The following SLC44A5 variants were observed in gnomAD, a reference collection of about 807,000 sequenced individuals.
SLC44A5 encodes solute carrier family 44 member 5.
Under a neutral mutation model 101.8 loss-of-function variants are expected in SLC44A5, and 57 were observed. The ratio of observed to expected loss-of-function variants is 0.56; its 90% confidence interval spans 0.45 to 0.70. SLC44A5 has a LOEUF of 0.70. Ranked by LOEUF, SLC44A5 falls within the 30% of genes least tolerant of loss-of-function variation. The probability of loss-of-function intolerance (pLI) is 0.00; values close to 1 mark genes in which losing one functional copy is unlikely to be tolerated. For synonymous variants in SLC44A5, 281 were observed against 290.9 expected, an observed-to-expected ratio of 0.97 and a Z score of 0.35; for missense variants, 737 against 853.1, an observed-to-expected ratio of 0.86 and a Z score of 1.70.
intron 2 of SLC44A5, among the ~76,000 whole-genome samples, chr1:75,411,516 G>C (rs1383818700): frequency 6.6e-6 from 1 of 152,054 alleles, no homozygotes; most frequent in African/African-American, 2.4e-5. Context: ...AGAGCATGAA[G>C]TACCAACTAT....
At chr1:75,711,892 A>C in the SLC44A5 span, among the ~76,000 whole-genome samples, 1 of 152,196 alleles carries the variant, frequency 6.6e-6, no homozygotes, top group African/African-American at 2.4e-5. Flanking sequence ...TGGCCAACAC[A>C]AGAGTTCCAT....
At chr1:75,599,676 A>G (rs1436142469) in intron 1 of SLC44A5, among the ~76,000 whole-genome samples, 1 of 152,200 alleles carries the variant, frequency 6.6e-6, no homozygotes, top group Non-Finnish European at 1.5e-5. Flanking sequence ...TCTTGGAAAA[A>G]AATAGAAATT....
chr1:75,714,948 A>G, the SLC44A5 span, among the ~76,000 whole-genome samples: 2 of 152,222 alleles, frequency 1.3e-5, no homozygotes, highest in Non-Finnish European at 2.9e-5. Flanking sequence ...TGCTGGGATT[A>G]CAGGTGTGAG....
chr1:75,505,571 T>C (rs1160524417), intron 2 of SLC44A5, among the ~76,000 whole-genome samples: 1 of 152,166 alleles, frequency 6.6e-6, no homozygotes, highest in African/African-American at 2.4e-5. Context: ...TGGTATTTCA[T>C]TATGGGTTTG....
At chr1:75,626,459 A>G in the SLC44A5 span, among the ~76,000 whole-genome samples, 1 of 152,276 alleles carries the variant, frequency 6.6e-6, no homozygotes, top group East Asian at 1.9e-4. Flanking sequence ...CTACACAGGA[A>G]TGATCTGACT....
chr1:75,318,784 G>T (rs927478910), intron 4 of SLC44A5, among the ~76,000 whole-genome samples: 5 of 152,104 alleles, frequency 3.3e-5, no homozygotes, highest in African/African-American at 1.2e-4. Context: ...GCCTTGTTCT[G>T]TGGTCTCTTT....
chr1:75,351,179 C>T (rs1055400787), intron 3 of SLC44A5, among the ~76,000 whole-genome samples: 1 of 151,850 alleles, frequency 6.6e-6, no homozygotes, highest in Non-Finnish European at 1.5e-5. Context: ...ATTTTAGTTA[C>T]ATGCACTTCA....
At chr1:75,281,639 C>CCA (rs1652575829) in intron 5 of SLC44A5, among the ~76,000 whole-genome samples, 1 of 13,734 alleles carries the variant, frequency 7.3e-5, no homozygotes. Flanking sequence ...GTGCCAGGCC[C>CCA]CCCCCCCCCC....
chr1:75,683,298 C>T, the SLC44A5 span, among the ~76,000 whole-genome samples: 4 of 152,136 alleles, frequency 2.6e-5, no homozygotes, highest in Admixed American at 2.6e-4. Flanking sequence ...TATAAAGACA[C>T]ATGCATACGT....
chr1:75,568,655 T>G (rs1470394605), intron 1 of SLC44A5, among the ~76,000 whole-genome samples: 2 of 152,230 alleles, frequency 1.3e-5, no homozygotes, highest in Non-Finnish European at 2.9e-5. Flanking sequence ...TTTCTCAAAG[T>G]GGCCCTCTGA....
At chr1:75,295,874 T>C (rs1653925127) in intron 5 of SLC44A5, among the ~76,000 whole-genome samples, 1 of 151,986 alleles carries the variant, frequency 6.6e-6, no homozygotes, top group African/African-American at 2.4e-5. Context: ...AAGAGTGTGA[T>C]GTGCTAGATT....
chr1:75,465,535 A>C (rs1417101368), intron 2 of SLC44A5, among the ~76,000 whole-genome samples: 1 of 152,124 alleles, frequency 6.6e-6, no homozygotes, highest in African/African-American at 2.4e-5. Flanking sequence ...AATAAAAATC[A>C]GAGCAGAAAT....
chr1:75,579,826 TAC>T (rs6143284), intron 1 of SLC44A5, among the ~76,000 whole-genome samples: 1 of 149,954 alleles, frequency 6.7e-6, no homozygotes, highest in African/African-American at 2.4e-5. Flanking sequence ...TTCAACTATC[TAC>T]ACACACACAC....
At chr1:75,634,467 A>G in the SLC44A5 span, among the ~76,000 whole-genome samples, 1 of 151,830 alleles carries the variant, frequency 6.6e-6, no homozygotes, top group Middle Eastern at 3.4e-3. Context: ...AAACAGAGAT[A>G]TAGATCAATG....
At chr1:75,718,100 A>G in the SLC44A5 span, among the ~76,000 whole-genome samples, 1 of 152,208 alleles carries the variant, frequency 6.6e-6, no homozygotes, top group African/African-American at 2.4e-5. Context: ...TTGTAAATAA[A>G]CTTTATATAA....
chr1:75,260,706 A>G (rs574477194), intron 6 of SLC44A5, among the ~76,000 whole-genome samples: 12 of 152,294 alleles, frequency 7.9e-5, no homozygotes, highest in African/African-American at 2.9e-4. Flanking sequence ...TCCACTCCAT[A>G]TCAGCAGAAT....
At chr1:75,499,352 C>T (rs565308628) in intron 2 of SLC44A5, among the ~76,000 whole-genome samples, 2 of 152,302 alleles carry the variant, frequency 1.3e-5, no homozygotes, top group East Asian at 3.9e-4. Flanking sequence ...CAGTTCACAA[C>T]AGGGTTTGTG....
chr1:75,563,737 T>C (rs1353495408), intron 1 of SLC44A5, among the ~76,000 whole-genome samples: 4 of 152,106 alleles, frequency 2.6e-5, no homozygotes, highest in African/African-American at 9.7e-5. Flanking sequence ...GACCGCATTA[T>C]CCTAAACCAC....
intron 2 of SLC44A5, among the ~76,000 whole-genome samples, chr1:75,497,165 T>C (rs1283982311): frequency 6.6e-6 from 1 of 152,136 alleles, no homozygotes; most frequent in African/African-American, 2.4e-5. Context: ...TATCAATATG[T>C]CAACGACATA....
Sources: gnomAD v4.1 joint callset for allele counts (sites outside exome capture counted in the v4.1 genomes callset) on GRCh38, gnomAD v4.1.1 for gene constraint, MANE v1.5 for transcripts, NCBI Gene and HGNC (gene_info 2026-07-23, HGNC 2026-07-21) for gene names.